Variants in XYLB observed in about 807,000 individuals in gnomAD.
XYLB encodes the protein xylulose kinase.
In XYLB, 62 loss-of-function variants were observed where a neutral mutation model predicts 78.7. That is an observed-to-expected ratio of 0.79 (90% CI 0.64 to 0.97). The LOEUF (loss-of-function observed/expected upper bound fraction) is 0.97, where lower values mean the gene tolerates loss of function less well. Among genes scored for constraint, XYLB ranks in the 50% least tolerant of loss-of-function variants. The pLI, the probability that XYLB is intolerant of heterozygous loss-of-function variation, is 0.00. For synonymous variants in XYLB, 245 were observed against 247.4 expected, an observed-to-expected ratio of 0.99 and a Z score of 0.09; for missense variants, 687 against 676.8, an observed-to-expected ratio of 1.02 and a Z score of -0.17.
chr3:38,411,670 T>A (rs1236483477), intron 18 of XYLB, among the ~76,000 whole-genome samples: 1 of 151,708 alleles, frequency 6.6e-6, no homozygotes, highest in Non-Finnish European at 1.5e-5. Context: ...AACCCTTTCC[T>A]ATTCTACATG....
At chr3:38,438,432 C>A in the XYLB span, among the ~76,000 whole-genome samples, 1 of 152,132 alleles carries the variant, frequency 6.6e-6, no homozygotes, top group African/African-American at 2.4e-5. Context: ...CCATATTGCC[C>A]AAAGCAATCT....
At chr3:38,366,249 C>T (rs1706255522) in intron 6 of XYLB, among the ~76,000 whole-genome samples, 1 of 152,112 alleles carries the variant, frequency 6.6e-6, no homozygotes, top group Non-Finnish European at 1.5e-5. Flanking sequence ...AGGGCCAACT[C>T]TACTTGGGCC....
intron 3 of XYLB, among the ~76,000 whole-genome samples, chr3:38,362,548 G>A (rs1189521054): frequency 6.6e-6 from 1 of 152,108 alleles, no homozygotes; most frequent in Non-Finnish European, 1.5e-5. Context: ...CGTAGTTCCA[G>A]CCACTTGGGA....
At chr3:38,424,149 TAGATCCAGAAA>T (rs143949569), downstream of XYLB, among the ~76,000 whole-genome samples, 661 of 152,218 alleles carry the variant, frequency 4.3e-3, 2 homozygotes, top group Middle Eastern at 0.01. Context: ...ATAAATAGAA[TAGATCCAGAAA>T]AGATCCAGAA....
At chr3:38,408,416 C>T (rs1275395449) in intron 18 of XYLB, among the ~76,000 whole-genome samples, 12 of 149,660 alleles carry the variant, frequency 8.0e-5, no homozygotes, top group African/African-American at 2.9e-4. Flanking sequence ...GCACTAAATG[C>T]CCACAAGAGA....
At chr3:38,348,002 G>A (rs1035253451) in intron 1 of XYLB, among the ~76,000 whole-genome samples, 7 of 152,256 alleles carry the variant, frequency 4.6e-5, no homozygotes, top group Admixed American at 3.3e-4. Flanking sequence ...TGGATGACTC[G>A]AGTTGCCTTG....
downstream of XYLB, among the ~76,000 whole-genome samples, chr3:38,417,582 C>A (rs1175603541): frequency 6.6e-6 from 1 of 152,082 alleles, no homozygotes; most frequent in East Asian, 1.9e-4. Context: ...GGCATAGTTG[C>A]TCAAAAGACA....
rs1706183517 is a variant in XYLB, at chr3:38,365,195, A to G, written c.292-4A>G. On this transcript the variant is annotated splice_region_variant and splice_polypyrimidine_tract_variant and intron_variant, in intron 4 of 18. Coordinates refer to ENST00000207870, the MANE Select transcript of XYLB (RefSeq NM_005108.4). ...TGTGACCATGTGCTTGGGTTTCCCA[A>G]CAGCAACACGGAAGTATATACTGGA... 6.2e-7 allele frequency: 1 copy of G among 1,614,168 alleles called. No individual in the cohort carries two copies. The highest frequency in any genetic ancestry group is 8.5e-7 in the Non-Finnish European group (1 of 1,180,004).
downstream of XYLB, among the ~76,000 whole-genome samples, chr3:38,416,597 A>G (rs1428599418): frequency 3.3e-5 from 5 of 152,188 alleles, no homozygotes; most frequent in Non-Finnish European, 7.3e-5. Context: ...CATCTAAAGT[A>G]AGTGATTCAG....
chr3:38,368,111 G>A, intron 7 of XYLB, 74 bp from the exon 8 acceptor site: 2 of 1,435,536 alleles, frequency 1.4e-6, no homozygotes, highest in South Asian at 1.2e-5. Context: ...TTCATGCTTT[G>A]TGTGTGTCAG....
Position 38,365,625 on chromosome 3 carries a change from C to G in XYLB, c.396C>G (p.Ser132Arg). The G allele has an allele frequency of 1.2e-6, 2 of 1,612,746 alleles. No individual in the cohort carries two copies. The highest frequency in any genetic ancestry group is 1.7e-6 in the Non-Finnish European group (2 of 1,179,118). ...CTTCCCAGGACTGTTTCTCCATCAGCGACTGCCCGGTGTGGATGGACTCCA... is the reference window on the plus strand; with the variant it reads ...CTTCCCAGGACTGTTTCTCCATCAGGGACTGCCCGGTGTGGATGGACTCCA... ...HQQLQDCFSI[S>R]DCPVWMDSST... The change falls in exon 6 of 19, where the codon AGC becomes AGG. Residue 132 changes from serine (S) to arginine (R), a missense_variant. Transcript: ENST00000207870.
downstream of XYLB, among the ~76,000 whole-genome samples, chr3:38,420,939 C>A (rs915521627): frequency 4.6e-5 from 7 of 152,222 alleles, no homozygotes; most frequent in African/African-American, 1.4e-4. Flanking sequence ...ACTGCTCAAA[C>A]CACAAACGAT....
At position 38,360,356 on chromosome 3, in the gene XYLB, A is replaced by G. The variant is rs1207069092; in HGVS notation, c.158A>G (p.His53Arg). 8.7e-6 allele frequency: 14 copies of G among 1,613,750 alleles called. No individual in the cohort carries two copies. In the African/African-American group the frequency reaches 9.3e-5, roughly 11 times the overall value. Residue 53 changes from histidine to arginine, a missense_variant, in exon 3 of 19, where the codon CAT (histidine) becomes CGT (arginine). His to Arg is a conservative substitution (Grantham distance 29, BLOSUM62 0). Transcript: ENST00000207870. ...LPEFGTQGGV[H>R]VHKDGLTVTS... Reference sequence around the variant, plus strand: ...TCTTGCAGGACTCAGGGTGGTGTTCATGTGCACAAGGATGGGCTGACGGTC... The same window carrying G: ...TCTTGCAGGACTCAGGGTGGTGTTCGTGTGCACAAGGATGGGCTGACGGTC...
chr3:38,353,398 C>T (rs528539874), intron 2 of XYLB, among the ~76,000 whole-genome samples: 13 of 152,174 alleles, frequency 8.5e-5, no homozygotes, highest in East Asian at 7.7e-4. Context: ...CTATGCCTCC[C>T]GGGCTCAAGC....
At chr3:38,370,253 C>CACACACACACAT (rs1277534031) in intron 9 of XYLB, 79 bp downstream of exon 9, 1 of 859,606 alleles carries the variant, frequency 1.2e-6, no homozygotes, top group Non-Finnish European at 1.9e-6. Context: ...CACACACACA[C>CACACACACACAT]ACACACACAC....
At chr3:38,347,034 G>C in intron 1 of XYLB, 109 bp downstream of exon 1, 1 of 1,153,138 alleles carries the variant, frequency 8.7e-7, no homozygotes, top group Non-Finnish European at 1.1e-6. Flanking sequence ...CCGCGGGCGC[G>C]CCTACCTCTC....
chr3:38,419,603 T>TATATATATATATATATATATATGTATAA (rs71085322), downstream of XYLB, among the ~76,000 whole-genome samples: 5 of 80,886 alleles, frequency 6.2e-5, no homozygotes, highest in African/African-American at 1.7e-4. Flanking sequence ...TATATATATA[T>TATATATATATATATATATATATGTATAA]AATAGCCATC....
intron 18 of XYLB, among the ~76,000 whole-genome samples, chr3:38,412,712 C>T (rs892384979): frequency 6.6e-6 from 1 of 152,102 alleles, no homozygotes; most frequent in Non-Finnish European, 1.5e-5. Context: ...TAGATTTGAT[C>T]ATAAAAATTG....
intron 9 of XYLB, among the ~76,000 whole-genome samples, chr3:38,370,965 A>G (rs1214412820): frequency 6.6e-6 from 1 of 152,080 alleles, no homozygotes; most frequent in Non-Finnish European, 1.5e-5. Context: ...AACCAGAAGG[A>G]ACTCTGGGTG....
Sources: allele counts gnomAD v4.1 joint callset (sites outside exome capture counted in the v4.1 genomes callset), GRCh38; gene constraint gnomAD v4.1.1; transcripts MANE v1.5; gene names NCBI Gene and HGNC (gene_info 2026-07-23, HGNC 2026-07-21).